Variants in FLOT2 observed in about 807,000 individuals in gnomAD.
FLOT2 encodes flotillin 2.
Under a neutral mutation model 54.9 loss-of-function variants are expected in FLOT2, and 35 were observed. That is an observed-to-expected ratio of 0.64 (90% CI 0.49 to 0.84). The LOEUF (loss-of-function observed/expected upper bound fraction) is 0.84. FLOT2 is among the 40% of genes least tolerant of loss of function. The pLI is 0.00. For missense variants in FLOT2, 464 were observed against 572.1 expected (o/e 0.81, Z 1.93); for synonymous variants, 207 against 228.9 (o/e 0.90, Z 0.86).
rs948961999 is a variant in FLOT2, at chr17:28,879,805, C to T, written c.*756G>A. Reference sequence around the variant, plus strand: ...ACTTAGCAGAGTTGGGACCAAACCGCACCGCCCCAGCAGGAACATGCCCAT... The same window carrying T: ...ACTTAGCAGAGTTGGGACCAAACCGTACCGCCCCAGCAGGAACATGCCCAT... On this transcript the variant is annotated 3_prime_UTR_variant, in exon 11 of 11. Transcript: ENST00000394908. The T allele has an allele frequency of 2.0e-6, 2 of 985,988 alleles. No individual in the cohort carries two copies. Among genetic ancestry groups the T allele is most frequent in the Admixed American group, 6.1e-5 (1 of 16,274 alleles). 61.1% of individuals were successfully genotyped at this position (985,988 alleles called of 1,614,324 possible).
rs1470952100 is a variant in FLOT2 at position 28,887,360 on chromosome 17, GAC to G, written c.131+1583_131+1584del. Among the ~76,000 whole-genome samples, 5 of 152,184 alleles carry G rather than the reference GAC, an allele frequency of 3.3e-5. No individual in the cohort carries two copies. The East Asian group carries it at 9.6e-4, about 29-fold the overall frequency. The stretch of plus-strand genomic sequence containing the variant: ...GGAGGCGTCCCCCAAGCAGGCTAGG[GAC>G]TAGGGAAGAGGCTGCCCCCCAGAAA... On this transcript the variant is annotated intron_variant, in intron 2 of 10. Transcript: ENST00000394908.
At position 28,880,882 on chromosome 17, in the gene FLOT2, G is replaced by A; in HGVS notation, c.1099-20C>T. Reference sequence around the variant, plus strand: ...AGCAATCTAGGAGGTAAGAGTGGGAGGACAGCCTGGTTGGCGCTGACTCTG... The same window carrying A: ...AGCAATCTAGGAGGTAAGAGTGGGAAGACAGCCTGGTTGGCGCTGACTCTG... On this transcript the variant is annotated intron_variant, in intron 9 of 10. Transcript: ENST00000394908. 6.2e-7 allele frequency: 1 copy of A among 1,613,590 alleles called. No individual in the cohort carries two copies. The highest frequency in any genetic ancestry group is 1.7e-4 in the Middle Eastern group (1 of 6,056).
chr17:28,884,904 T>C lies in FLOT2; in HGVS notation c.132-589A>G, dbSNP rs1299310502. On this transcript the variant is annotated intron_variant, in intron 2 of 10. Coordinates refer to ENST00000394908, the MANE Select transcript of FLOT2 (RefSeq NM_004475.3). This position sits in a 1 kb window ranked among gnomAD's most constrained non-coding sequence, Gnocchi z 5.1. Reference sequence around the variant, plus strand: ...CTACCTGGTGGCTGCAGCCTTTGACTTGAAACCCATGTCTGGTATTAGGCC... The same window carrying C: ...CTACCTGGTGGCTGCAGCCTTTGACCTGAAACCCATGTCTGGTATTAGGCC... Among the ~76,000 whole-genome samples the C allele has an allele frequency of 6.6e-6, 1 of 152,160 alleles. No individual in the cohort carries two copies. Among genetic ancestry groups the C allele is most frequent in the Non-Finnish European group, 1.5e-5 (1 of 68,020 alleles).
At chr17:28,891,375 G>A (rs1163906857) in intron 1 of FLOT2, among the ~76,000 whole-genome samples, 2 of 152,192 alleles carry the variant, frequency 1.3e-5, no homozygotes, top group Non-Finnish European at 2.9e-5. Flanking sequence ...TTGTGTGTCA[G>A]GCCAAGAAGC....
Position 28,882,561 on chromosome 17 carries a change from A to G in FLOT2, c.465+12T>C. ...TGGACGCCAGGAGATACAGCTTCCC[A>G]TCACGTCGTACCTTGATGGTGAAGC... is the stretch of plus-strand genomic sequence containing the variant. On this transcript the variant is annotated intron_variant, in intron 5 of 10. Transcript: ENST00000394908. The surrounding 1 kb of genome is among the most constrained non-coding windows in gnomAD (Gnocchi z 5.6). 1 of 1,598,438 alleles carries G rather than the reference A, an allele frequency of 6.3e-7. No homozygotes were observed. The highest frequency in any genetic ancestry group is 8.6e-7 in the Non-Finnish European group (1 of 1,165,818).
rs2039429289 is a variant in FLOT2 at position 28,880,592 on chromosome 17, A to G, written c.1256T>C (p.Leu419Pro). 6.2e-7 allele frequency: 1 copy of G among 1,613,986 alleles called. No homozygotes were observed. The change falls in exon 11 of 11, where the codon CTG (leucine) becomes CCG (proline). Residue 419 changes from leucine (L) to proline (P), a missense_variant. By Grantham distance (98) the Leu-to-Pro change is moderately conservative. Coordinates refer to ENST00000394908, the MANE Select transcript of FLOT2 (RefSeq NM_004475.3). ...LTGVDLSKIP[L>P]IKKATGVQV ...CTGCACACCAGTGGCCTTCTTGATC[A>G]GGGGTATCTGCAAGGATGGGAGATG...
At chr17:28,887,220 T>A (rs906004762) in intron 2 of FLOT2, among the ~76,000 whole-genome samples, 2 of 151,994 alleles carry the variant, frequency 1.3e-5, no homozygotes, top group Non-Finnish European at 2.9e-5. Flanking sequence ...ACGTGACATA[T>A]AGACAGCTGC....
chr17:28,889,800 C>T (rs1490242181), intron 1 of FLOT2, among the ~76,000 whole-genome samples: 6 of 150,660 alleles, frequency 4.0e-5, no homozygotes, highest in East Asian at 2.0e-4. Flanking sequence ...TCATCATGCC[C>T]GTCTAATTTT....
chr17:28,892,328 T>TG (rs2039664649), intron 1 of FLOT2: 1 of 70,408 alleles, frequency 1.4e-5, no homozygotes, highest in Non-Finnish European at 2.8e-5. Flanking sequence ...GGGAGTGGGG[T>TG]GGGGGATGGA....
In FLOT2 at chr17:28,889,334, C is replaced by CT. The variant is rs549356750; in HGVS notation, c.50-309dup. ...AATGGGCAGAGGTGATCTGAAAAAG[C>CT]TTTTTTTTTTTTTCAGACAGAATGT... On this transcript the variant is annotated intron_variant, in intron 1 of 10. Coordinates refer to ENST00000394908, the MANE Select transcript of FLOT2 (RefSeq NM_004475.3). Among the ~76,000 whole-genome samples the CT allele has an allele frequency of 3.3e-3, 471 of 144,234 alleles. 3 individuals carry two copies. Among genetic ancestry groups the CT allele is most frequent in the African/African-American group, 7.8e-3 (307 of 39,444 alleles). 94.6% of individuals were successfully genotyped at this position (144,234 alleles called of 152,430 possible).
At chr17:28,890,773 G>A (rs1360254342) in intron 1 of FLOT2, among the ~76,000 whole-genome samples, 1 of 151,710 alleles carries the variant, frequency 6.6e-6, no homozygotes, top group East Asian at 1.9e-4. Flanking sequence ...TGGACAGGCA[G>A]TTAACTTGCA....
intron 2 of FLOT2, among the ~76,000 whole-genome samples, chr17:28,888,019 G>A (rs2039578374): frequency 1.3e-5 from 2 of 152,192 alleles, no homozygotes; most frequent in South Asian, 4.1e-4. Context: ...GTGAGCTGCT[G>A]ACGGGTGGGG....
At chr17:28,896,026 A>G (rs1305366713) in intron 1 of FLOT2, among the ~76,000 whole-genome samples, 3 of 152,138 alleles carry the variant, frequency 2.0e-5, no homozygotes, top group Admixed American at 6.5e-5. Context: ...TCAAATCCCA[A>G]GGTATCATTG....
At position 28,880,130 on chromosome 17, in the gene FLOT2, C is replaced by T; in HGVS notation, c.*431G>A. ...GACAGTGACCGTCCTACCCAGAACCCCTGCCCATGCTGAGCTCTGGCCAGG... is the reference window on the plus strand; with the variant it reads ...GACAGTGACCGTCCTACCCAGAACCTCTGCCCATGCTGAGCTCTGGCCAGG... On this transcript the variant is annotated 3_prime_UTR_variant, in exon 11 of 11. Transcript: ENST00000394908. The T allele has an allele frequency of 9.6e-7, 1 of 1,037,286 alleles. No individual in the cohort carries two copies. Among genetic ancestry groups the T allele is most frequent in the Non-Finnish European group, 1.2e-6 (1 of 860,912 alleles). The allele number at this position is 1,037,286 out of a possible 1,614,324, so 64.3% of individuals were successfully genotyped here.
intron 1 of FLOT2, chr17:28,892,986 A>T (rs2039679414): frequency 6.6e-6 from 1 of 152,146 alleles, no homozygotes; most frequent in Non-Finnish European, 1.5e-5. Flanking sequence ...TGGCTTGGGG[A>T]GCAGGCTGCC....
chr17:28,885,578 T>G (rs2039525618), intron 2 of FLOT2: 1 of 717,292 alleles, frequency 1.4e-6, no homozygotes, highest in African/African-American at 1.7e-5. Flanking sequence ...TATGGCTGCA[T>G]GGTAACGAAG....
chr17:28,885,781 G>A lies in FLOT2; in HGVS notation c.132-1466C>T, dbSNP rs530611622. 1.7e-5 allele frequency: 16 copies of A among 947,738 alleles called. No homozygotes were observed. The East Asian group carries it at 2.6e-4, about 15-fold the overall frequency. The allele number at this position is 947,738 out of a possible 1,614,324, so 58.7% of individuals were successfully genotyped here. ...CACGGTCTCAGGAGGGGAGTCCATC[G>A]GCTCCTGTCTGCCAGGCCCCGCAGG... On this transcript the variant is annotated intron_variant, in intron 2 of 10. Transcript: ENST00000394908.
Position 28,880,517 on chromosome 17 carries a change from G to C in FLOT2, c.*44C>G. 1 of 1,604,446 alleles carries C rather than the reference G, an allele frequency of 6.2e-7. No homozygotes were observed. The highest frequency in any genetic ancestry group is 1.1e-5 in the South Asian group (1 of 89,974). On this transcript the variant is annotated 3_prime_UTR_variant, in exon 11 of 11. Transcript: ENST00000394908. Reference sequence around the variant, plus strand: ...CTGTGGGATTAAAACGGGTGCTGGAGGGAGGGCCGGGTGGCTGCTGAAGAG... The same window carrying C: ...CTGTGGGATTAAAACGGGTGCTGGACGGAGGGCCGGGTGGCTGCTGAAGAG...
At position 28,884,161 on chromosome 17, in the gene FLOT2, C is replaced by G. The variant is rs922630601; in HGVS notation, c.222+64G>C. The G allele has an allele frequency of 5.6e-6, 7 of 1,252,382 alleles. No homozygotes were observed. The highest frequency in any genetic ancestry group is 2.4e-5 in the South Asian group (2 of 83,964). The allele number at this position is 1,252,382 out of a possible 1,614,324, so 77.6% of individuals were successfully genotyped here. On this transcript the variant is annotated intron_variant, in intron 3 of 10. Transcript: ENST00000394908. The surrounding 1 kb of genome is among the most constrained non-coding windows in gnomAD (Gnocchi z 5.1). The stretch of plus-strand genomic sequence containing the variant: ...CTGGCTGCTGTCCTCTCCTCCTCCC[C>G]CCGAACCCGAGTACGGGACCAGGCA...
Sources: allele counts gnomAD v4.1 joint callset (sites outside exome capture counted in the v4.1 genomes callset), GRCh38; gene constraint gnomAD v4.1.1; non-coding constraint Gnocchi (gnomAD v3.1); transcripts MANE v1.5; gene names NCBI Gene and HGNC (gene_info 2026-07-23, HGNC 2026-07-21).